Variants in NPSR1 observed in about 807,000 individuals in gnomAD.
NPSR1 encodes the protein neuropeptide S receptor.
In NPSR1, 48 loss-of-function variants were observed where a neutral mutation model predicts 46.9. That is an observed-to-expected ratio of 1.02 (90% CI 0.81 to 1.30). The LOEUF is 1.30. Ranked by LOEUF, NPSR1 falls within the 50% of genes most tolerant of loss-of-function variation. NPSR1 has a pLI of 0.00. For missense variants in NPSR1, 450 were observed against 449.5 expected (o/e 1.00, Z -0.01); for synonymous variants, 176 against 168.1 (o/e 1.05, Z -0.36).
chr7:34,850,071 T>C, downstream of NPSR1: 3 of 855,724 alleles, frequency 3.5e-6, no homozygotes, highest in Non-Finnish European at 4.2e-6. Flanking sequence ...CCCATATTTT[T>C]CCCCCAGTTT....
chr7:34,695,682 GC>G (rs550855906), intron 2 of NPSR1, among the ~76,000 whole-genome samples: 12 of 152,038 alleles, frequency 7.9e-5, no homozygotes, highest in Non-Finnish European at 1.0e-4. Flanking sequence ...AATACTAGCA[GC>G]CAACAAACAC....
At chr7:34,664,510 A>G (rs941327487) in intron 1 of NPSR1, among the ~76,000 whole-genome samples, 1 of 152,204 alleles carries the variant, frequency 6.6e-6, no homozygotes, top group Non-Finnish European at 1.5e-5. Flanking sequence ...AAGTTTCGGA[A>G]GATGCTGAGA....
At chr7:34,756,505 G>T (rs1007888798) in intron 2 of NPSR1, among the ~76,000 whole-genome samples, 10 of 152,176 alleles carry the variant, frequency 6.6e-5, no homozygotes, top group African/African-American at 2.4e-4. Flanking sequence ...TTTAGGCTTT[G>T]CAGGTCCTAT....
At chr7:34,825,439 T>C (rs17789624) in intron 4 of NPSR1, among the ~76,000 whole-genome samples, 7,116 of 152,240 alleles carry the variant, frequency 0.047, 289 homozygotes, top group South Asian at 0.13. Context: ...TTGAAAGCAT[T>C]GTGGACCAAT....
intron 1 of NPSR1, among the ~76,000 whole-genome samples, chr7:34,669,122 C>T (rs1791907880): frequency 1.3e-5 from 2 of 152,106 alleles, no homozygotes; most frequent in South Asian, 2.1e-4. Flanking sequence ...TCAGAACTTC[C>T]CAAAAGTTGT....
intron 3 of NPSR1, 61 bp downstream of exon 3, chr7:34,778,626 AT>A: frequency 9.3e-7 from 1 of 1,074,940 alleles, no homozygotes; most frequent in African/African-American, 1.6e-5. Context: ...TTTTAGATTT[AT>A]CTAAGGAAAA....
intron 2 of NPSR1, among the ~76,000 whole-genome samples, chr7:34,734,828 T>G (rs1477136645): frequency 1.3e-5 from 2 of 152,196 alleles, no homozygotes; most frequent in Non-Finnish European, 2.9e-5. Context: ...ATTAACAGAT[T>G]TCAGTCTCCA....
intron 3 of NPSR1, among the ~76,000 whole-genome samples, chr7:34,792,447 C>T (rs78715015): frequency 0.075 from 10,996 of 145,720 alleles, 492 homozygotes; most frequent in Middle Eastern, 0.13. Flanking sequence ...ATGGATTGAG[C>T]GCAGGTATTC....
At chr7:34,754,827 A>G (rs1785738203) in intron 2 of NPSR1, among the ~76,000 whole-genome samples, 1 of 152,182 alleles carries the variant, frequency 6.6e-6, no homozygotes, top group Non-Finnish European at 1.5e-5. Context: ...CTGCCAATCT[A>G]CTTCCTATGT....
intron 3 of NPSR1, among the ~76,000 whole-genome samples, chr7:34,797,105 C>T (rs1036798412): frequency 6.6e-6 from 1 of 152,150 alleles, no homozygotes; most frequent in Non-Finnish European, 1.5e-5. Context: ...AAGCTACATA[C>T]TGTAGATTCC....
intron 2 of NPSR1, among the ~76,000 whole-genome samples, chr7:34,701,745 G>A (rs1444605113): frequency 6.6e-6 from 1 of 152,180 alleles, no homozygotes; most frequent in Non-Finnish European, 1.5e-5. Context: ...TGGCTTTTCT[G>A]AGGGAGAATA....
chr7:34,861,262 C>T (rs779723129), intron 8 of NPSR1, among the ~76,000 whole-genome samples: 4 of 151,932 alleles, frequency 2.6e-5, no homozygotes, highest in Non-Finnish European at 5.9e-5. Flanking sequence ...AAACAGCACT[C>T]GTGTTTGTCA....
At chr7:34,839,996 G>A (rs1400900485) in intron 6 of NPSR1, among the ~76,000 whole-genome samples, 3 of 152,154 alleles carry the variant, frequency 2.0e-5, no homozygotes, top group Non-Finnish European at 4.4e-5. Flanking sequence ...CAGCTCGTCT[G>A]TCTTTGCATA....
chr7:34,792,391 G>A (rs1787919049), intron 3 of NPSR1, among the ~76,000 whole-genome samples: 1 of 150,990 alleles, frequency 6.6e-6, no homozygotes, highest in South Asian at 2.1e-4. Context: ...CAGGCATGGT[G>A]GCTCACGCAT....
chr7:34,764,892 G>A (rs1786358159), intron 2 of NPSR1, among the ~76,000 whole-genome samples: 1 of 152,140 alleles, frequency 6.6e-6, no homozygotes, highest in Admixed American at 6.6e-5. Context: ...GGCCTATATG[G>A]GTCTGTGGCT....
intron 5 of NPSR1, among the ~76,000 whole-genome samples, chr7:34,833,418 T>C (rs1227808287): frequency 6.6e-6 from 1 of 152,114 alleles, no homozygotes; most frequent in East Asian, 1.9e-4. Context: ...TGATATAGTA[T>C]AAAAAATAGG....
intron 2 of NPSR1, among the ~76,000 whole-genome samples, chr7:34,711,698 A>G (rs1935168003): frequency 6.6e-6 from 1 of 152,364 alleles, no homozygotes; most frequent in African/African-American, 2.4e-5. Context: ...GAGACGATGC[A>G]CATAAAATGC....
At chr7:34,862,834 G>C (rs570587367) in intron 8 of NPSR1, among the ~76,000 whole-genome samples, 4 of 151,612 alleles carry the variant, frequency 2.6e-5, no homozygotes, top group Non-Finnish European at 5.9e-5. Flanking sequence ...TATTAATATA[G>C]CCTCCTTTCT....
chr7:34,801,989 C>G (rs1332463712), intron 3 of NPSR1, among the ~76,000 whole-genome samples: 1 of 149,478 alleles, frequency 6.7e-6, no homozygotes, highest in Non-Finnish European at 1.5e-5. Context: ...AATAAAATAC[C>G]TAGGAATCCA....
Sources: allele counts gnomAD v4.1 joint callset (sites outside exome capture counted in the v4.1 genomes callset), GRCh38; gene constraint gnomAD v4.1.1; transcripts MANE v1.5; gene names NCBI Gene and HGNC (gene_info 2026-07-23, HGNC 2026-07-21).